WDR27: variants seen among roughly 807,000 people sequenced by gnomAD.
WDR27 encodes the protein WD repeat domain 27.
Under a neutral mutation model 114.4 loss-of-function variants are expected in WDR27, and 100 were observed. The observed-to-expected ratio is 0.87, with a 90% confidence interval of 0.74 to 1.03. WDR27 has a LOEUF of 1.03. WDR27 is among the 50% of genes least tolerant of loss of function. WDR27 has a pLI of 0.00. For missense variants in WDR27, 1,129 were observed against 1,092.9 expected (o/e 1.03, Z -0.47); for synonymous variants, 449 against 423.1 (o/e 1.06, Z -0.75).
At chr6:169,473,005 A>T (rs1786634433) in intron 25 of WDR27, among the ~76,000 whole-genome samples, 2 of 152,242 alleles carry the variant, frequency 1.3e-5, no homozygotes, top group Non-Finnish European at 2.9e-5. Context: ...ACATATTGGA[A>T]CATTAATAAC....
intron 16 of WDR27, 64 bp from the exon 17 acceptor site, chr6:169,643,850 G>T: frequency 7.5e-7 from 1 of 1,327,974 alleles, no homozygotes. Flanking sequence ...TCACACTGTA[G>T]AAAAGCCTAG....
At chr6:169,517,183 T>TC (rs1330783056) in intron 25 of WDR27, among the ~76,000 whole-genome samples, 4 of 152,074 alleles carry the variant, frequency 2.6e-5, no homozygotes, top group Non-Finnish European at 5.9e-5. Context: ...CACCACCAAC[T>TC]CTCTTTCTCT....
intron 25 of WDR27, among the ~76,000 whole-genome samples, chr6:169,571,560 G>A (rs1801426166): frequency 6.6e-6 from 1 of 152,246 alleles, no homozygotes; most frequent in Admixed American, 6.5e-5. Flanking sequence ...ACGTGCGGCA[G>A]CTCGCACCTG....
intron 2 of WDR27, among the ~76,000 whole-genome samples, chr6:169,686,685 G>A (rs1272790530): frequency 6.6e-6 from 1 of 152,090 alleles, no homozygotes; most frequent in Non-Finnish European, 1.5e-5. Flanking sequence ...ATATAATAAT[G>A]CACTCCCATA....
chr6:169,529,588 T>C (rs73792903), intron 25 of WDR27, among the ~76,000 whole-genome samples: 2,463 of 152,310 alleles, frequency 0.016, 61 homozygotes, highest in African/African-American at 0.057. Context: ...ACTGCACTCA[T>C]TAAATCAGAG....
intron 25 of WDR27, among the ~76,000 whole-genome samples, chr6:169,570,344 C>G (rs1287975042): frequency 6.6e-6 from 1 of 152,054 alleles, no homozygotes; most frequent in Middle Eastern, 3.2e-3. Context: ...CAGGTGGGAC[C>G]CAGAGGGAAG....
At chr6:169,641,262 G>A (rs1169293364) in intron 17 of WDR27, among the ~76,000 whole-genome samples, 1 of 152,230 alleles carries the variant, frequency 6.6e-6, no homozygotes, top group Non-Finnish European at 1.5e-5. Context: ...AAACACATGC[G>A]TGAAGCGCTG....
At chr6:169,463,045 A>C (rs1228621816) in intron 25 of WDR27, among the ~76,000 whole-genome samples, 2 of 152,240 alleles carry the variant, frequency 1.3e-5, no homozygotes, top group Non-Finnish European at 2.9e-5. Context: ...ATAAACAAGC[A>C]AACAACCAAC....
the WDR27 span, among the ~76,000 whole-genome samples, chr6:169,441,270 C>G: frequency 2.0e-5 from 3 of 152,016 alleles, no homozygotes; most frequent in African/African-American, 7.3e-5. Context: ...GACCAGAGAC[C>G]ACCAAGACAG....
intron 23 of WDR27, among the ~76,000 whole-genome samples, chr6:169,590,555 G>A (rs1438532862): frequency 6.6e-6 from 1 of 152,260 alleles, no homozygotes; most frequent in African/African-American, 2.4e-5. Flanking sequence ...TCCTGATGGT[G>A]GCACGCAGGG....
At chr6:169,585,106 C>T (rs1804285465) in intron 23 of WDR27, among the ~76,000 whole-genome samples, 2 of 152,088 alleles carry the variant, frequency 1.3e-5, no homozygotes, top group African/African-American at 4.8e-5. Flanking sequence ...TGGATTTCTG[C>T]ACACAAAAGA....
chr6:169,563,689 T>G (rs930333655), intron 25 of WDR27, among the ~76,000 whole-genome samples: 5 of 152,214 alleles, frequency 3.3e-5, no homozygotes, highest in Admixed American at 6.5e-5. Context: ...AAACAGATTT[T>G]CTTTCTTATT....
chr6:169,636,338 C>A (rs1390889655), intron 19 of WDR27, 33 bp downstream of exon 19: 2 of 1,600,450 alleles, frequency 1.2e-6, no homozygotes, highest in Non-Finnish European at 1.7e-6. Flanking sequence ...TTCCTGTGAT[C>A]TAAAAATAAT....
intron 25 of WDR27, among the ~76,000 whole-genome samples, chr6:169,502,697 G>C (rs574471491): frequency 1.2e-3 from 188 of 152,140 alleles, no homozygotes; most frequent in Non-Finnish European, 1.9e-3. Context: ...GCTCCCTCGT[G>C]ATCGCACTGG....
chr6:169,689,562 T>A (rs1454645041), intron 1 of WDR27, among the ~76,000 whole-genome samples: 1 of 152,210 alleles, frequency 6.6e-6, no homozygotes, highest in Non-Finnish European at 1.5e-5. Context: ...CTACCACAGG[T>A]TCTATAATCA....
intron 25 of WDR27, among the ~76,000 whole-genome samples, chr6:169,522,034 T>C (rs1226147800): frequency 6.6e-6 from 1 of 152,014 alleles, no homozygotes. Flanking sequence ...TTAAAAGGCA[T>C]AGAGTGGCTG....
chr6:169,499,206 C>A (rs1364651944), intron 25 of WDR27, among the ~76,000 whole-genome samples: 1 of 152,244 alleles, frequency 6.6e-6, no homozygotes, highest in East Asian at 1.9e-4. Flanking sequence ...CCAGCCAAGC[C>A]TCCTTTGCAA....
intron 23 of WDR27, among the ~76,000 whole-genome samples, chr6:169,596,128 C>A (rs201698719): frequency 4.5e-4 from 69 of 151,982 alleles, no homozygotes; most frequent in African/African-American, 1.6e-3. Flanking sequence ...CCCAGGTATT[C>A]GTTCAATATC....
intron 25 of WDR27, among the ~76,000 whole-genome samples, chr6:169,504,723 G>A (rs893121205): frequency 1.1e-4 from 16 of 151,970 alleles, no homozygotes; most frequent in African/African-American, 2.9e-4. Context: ...ATCCTGCCTC[G>A]CTTGGGAAAA....
Sources: allele counts gnomAD v4.1 joint callset (sites outside exome capture counted in the v4.1 genomes callset), GRCh38; gene constraint gnomAD v4.1.1; transcripts MANE v1.5; gene names NCBI Gene and HGNC (gene_info 2026-07-23, HGNC 2026-07-21).